APBB2: variants seen among roughly 807,000 people sequenced by gnomAD.
APBB2 encodes Fe65-like 1.
APBB2 carries 38 observed loss-of-function variants against 82.5 expected under a neutral mutation model. The observed-to-expected ratio is 0.46, with a 90% CI of 0.36 to 0.60. The LOEUF (loss-of-function observed/expected upper bound fraction) is 0.60. APBB2 is among the 20% of genes least tolerant of loss of function. The probability of loss-of-function intolerance (pLI) is 0.00; values close to 1 mark genes in which losing one functional copy is unlikely to be tolerated. For missense variants in APBB2, 772 were observed against 972.3 expected (o/e 0.79, Z 2.74); for synonymous variants, 341 against 368.2 (o/e 0.93, Z 0.85).
At chr4:41,138,574 A>G (rs754919469) in intron 2 of APBB2, among the ~76,000 whole-genome samples, 18 of 152,352 alleles carry the variant, frequency 1.2e-4, no homozygotes, top group Middle Eastern at 3.4e-3. Flanking sequence ...AAGAAGATAT[A>G]GGAGTGACTA....
At chr4:41,056,759 C>T (rs1003211619) in intron 4 of APBB2, among the ~76,000 whole-genome samples, 1 of 152,312 alleles carries the variant, frequency 6.6e-6, no homozygotes, top group Non-Finnish European at 1.5e-5. Flanking sequence ...AACTGCACCC[C>T]GCTTACTTGC....
Position 40,814,964 on chromosome 4 carries a change from G to T in APBB2, c.*1128C>A, listed in dbSNP as rs1193714938. On this transcript the variant is annotated 3_prime_UTR_variant, in exon 18 of 18. Coordinates refer to ENST00000508593, the MANE Select transcript of APBB2 (RefSeq NM_004307.2). The stretch of plus-strand genomic sequence containing the variant: ...ATTAAATACATAAAATCAAGGAAAG[G>T]TTCAACCTAATGTAATTTGTTGCCA... 6.6e-6 allele frequency: 1 copy of T among 152,194 alleles called. No homozygotes were observed. The highest frequency in any genetic ancestry group is 2.4e-5 in the African/African-American group (1 of 41,422). The allele number at this position is 152,194 out of a possible 1,614,324, so 9.4% of individuals were successfully genotyped here.
chr4:40,834,110 C>T (rs114905398), intron 12 of APBB2, among the ~76,000 whole-genome samples: 567 of 56,306 alleles, frequency 0.01, 3 homozygotes, highest in African/African-American at 0.053. Flanking sequence ...GAGGAATTCT[C>T]ACTTTTTTTT....
At chr4:40,967,063 C>T (rs1794837460) in intron 6 of APBB2, among the ~76,000 whole-genome samples, 1 of 152,130 alleles carries the variant, frequency 6.6e-6, no homozygotes, top group South Asian at 2.1e-4. Context: ...CCAGGTTCAG[C>T]CAGACTCAGG....
intron 2 of APBB2, among the ~76,000 whole-genome samples, chr4:41,138,742 A>G (rs1272266797): frequency 6.6e-6 from 1 of 152,194 alleles, no homozygotes; most frequent in African/African-American, 2.4e-5. Flanking sequence ...AAGTTTTCAA[A>G]TCACTGCAAA....
At chr4:40,851,717 CATATAT>C (rs3086183) in intron 12 of APBB2, among the ~76,000 whole-genome samples, 3 of 116,010 alleles carry the variant, frequency 2.6e-5, no homozygotes, top group African/African-American at 7.4e-5. Flanking sequence ...ATTTTCTATG[CATATAT>C]ATATATATAT....
chr4:41,027,364 C>CACACACATAT (rs1231769191), intron 5 of APBB2, among the ~76,000 whole-genome samples: 3 of 127,416 alleles, frequency 2.4e-5, no homozygotes, highest in African/African-American at 8.8e-5. Context: ...CATATTGTTA[C>CACACACATAT]ATATATATAT....
intron 6 of APBB2, among the ~76,000 whole-genome samples, chr4:40,981,443 T>C (rs1022306370): frequency 3.3e-5 from 5 of 152,168 alleles, no homozygotes; most frequent in African/African-American, 1.2e-4. Context: ...TAAAATCTAC[T>C]GATGTTGATT....
At chr4:40,853,406 C>T (rs2154328211) in intron 12 of APBB2, among the ~76,000 whole-genome samples, 1 of 152,220 alleles carries the variant, frequency 6.6e-6, no homozygotes, top group South Asian at 2.1e-4. Context: ...CCACTGGCCT[C>T]CTCTTCATCC....
intron 3 of APBB2, among the ~76,000 whole-genome samples, chr4:41,077,540 T>C (rs1411219960): frequency 6.6e-6 from 1 of 152,052 alleles, no homozygotes; most frequent in African/African-American, 2.4e-5. Context: ...CAGAAGAGCA[T>C]GCAACAATTC....
chr4:40,900,977 C>G (rs1775114938), intron 10 of APBB2, among the ~76,000 whole-genome samples: 1 of 152,162 alleles, frequency 6.6e-6, no homozygotes, highest in South Asian at 2.1e-4. Context: ...ATTCGTTTGG[C>G]TGCCACATCC....
At chr4:40,995,141 T>C (rs529172970) in intron 6 of APBB2, among the ~76,000 whole-genome samples, 3 of 152,276 alleles carry the variant, frequency 2.0e-5, no homozygotes, top group African/African-American at 7.2e-5. Flanking sequence ...TGAAACCATG[T>C]TCCCCAAGCA....
At chr4:41,189,750 T>C (rs765903789) in intron 1 of APBB2, among the ~76,000 whole-genome samples, 7 of 152,226 alleles carry the variant, frequency 4.6e-5, no homozygotes, top group Non-Finnish European at 1.0e-4. Flanking sequence ...GGTCCTTACA[T>C]AGTAAGTCAT....
intron 6 of APBB2, among the ~76,000 whole-genome samples, chr4:40,964,777 A>ACACACACACACACACACAC (rs1560401538): frequency 2.2e-4 from 1 of 4,446 alleles, no homozygotes; most frequent in Admixed American, 2.7e-3. Flanking sequence ...CACACACACA[A>ACACACACACACACACACAC]CAATGCACAT....
intron 4 of APBB2, among the ~76,000 whole-genome samples, chr4:41,042,173 T>G (rs1208935488): frequency 6.6e-6 from 1 of 152,064 alleles, no homozygotes; most frequent in African/African-American, 2.4e-5. Flanking sequence ...GTATTTTTAG[T>G]AGAGATGGGG....
At chr4:41,027,403 AT>A (rs1275900920) in intron 5 of APBB2, among the ~76,000 whole-genome samples, 92 of 128,076 alleles carry the variant, frequency 7.2e-4, no homozygotes, top group African/African-American at 1.9e-3. Flanking sequence ...ATATATATAT[AT>A]AACATTTTCA....
At chr4:41,160,622 C>T (rs1245736568) in intron 1 of APBB2, among the ~76,000 whole-genome samples, 1 of 152,168 alleles carries the variant, frequency 6.6e-6, no homozygotes, top group African/African-American at 2.4e-5. Context: ...AGGATGACCT[C>T]TAAGAGGCTG....
intron 4 of APBB2, 109 bp from the exon 5 acceptor site, chr4:41,033,413 A>G (rs947042501): frequency 2.2e-5 from 14 of 648,804 alleles, no homozygotes; most frequent in African/African-American, 1.5e-4. Flanking sequence ...TATACCAAAC[A>G]AATTTTGGCA....
chr4:40,860,025 G>A (rs1166118379), intron 12 of APBB2, among the ~76,000 whole-genome samples: 1 of 152,162 alleles, frequency 6.6e-6, no homozygotes. Context: ...TCGTACTCCT[G>A]CTGCAGCTTG....
Sources: allele counts gnomAD v4.1 joint callset (sites outside exome capture counted in the v4.1 genomes callset), GRCh38; gene constraint gnomAD v4.1.1; transcripts MANE v1.5; gene names NCBI Gene and HGNC (gene_info 2026-07-23, HGNC 2026-07-21).